Variants in OCA2 observed in about 807,000 individuals in gnomAD.
OCA2 encodes OCA2 melanosomal transmembrane protein, also known as P protein.
OCA2 carries 77 observed loss-of-function variants against 100.2 expected under a neutral mutation model. The observed-to-expected ratio is 0.77, with a 90% confidence interval of 0.64 to 0.93. The LOEUF (loss-of-function observed/expected upper bound fraction) is 0.93. OCA2 is among the 40% of genes least tolerant of loss of function. OCA2 has a pLI of 0.00. For missense variants in OCA2, 1,062 were observed against 1,089.1 expected, an observed-to-expected ratio of 0.98 and a Z score of 0.35; for synonymous variants, 432 against 439.2, an observed-to-expected ratio of 0.98 and a Z score of 0.21.
At chr15:28,091,627 C>T (rs2044871374) in intron 1 of OCA2, among the ~76,000 whole-genome samples, 1 of 152,118 alleles carries the variant, frequency 6.6e-6, no homozygotes, top group Non-Finnish European at 1.5e-5. Flanking sequence ...TGTACAATAA[C>T]ATTAATAGGA....
At chr15:27,959,514 A>G (rs1356660493) in intron 15 of OCA2, among the ~76,000 whole-genome samples, 2 of 152,242 alleles carry the variant, frequency 1.3e-5, no homozygotes, top group Non-Finnish European at 2.9e-5. Context: ...GCCCGTCCAT[A>G]AAGTACCAGA....
chr15:28,012,190 T>G (rs995433069), intron 9 of OCA2, among the ~76,000 whole-genome samples: 21 of 152,144 alleles, frequency 1.4e-4, no homozygotes, highest in African/African-American at 5.1e-4. Flanking sequence ...AAAGATAATA[T>G]CCAACATTAT....
chr15:27,808,930 T>C (rs2033967733), intron 23 of OCA2, among the ~76,000 whole-genome samples: 1 of 152,140 alleles, frequency 6.6e-6, no homozygotes, highest in South Asian at 2.1e-4. Flanking sequence ...GATCGTGGGG[T>C]ATGCCATCAT....
intron 18 of OCA2, among the ~76,000 whole-genome samples, chr15:27,929,943 A>G (rs1004568383): frequency 6.6e-6 from 1 of 152,156 alleles, no homozygotes; most frequent in Admixed American, 6.5e-5. Flanking sequence ...ATGACATTTC[A>G]CTATCTACCT....
chr15:28,080,141 T>A (rs1421027446), intron 2 of OCA2, among the ~76,000 whole-genome samples: 1 of 152,104 alleles, frequency 6.6e-6, no homozygotes, highest in Non-Finnish European at 1.5e-5. Context: ...GGCCACACAG[T>A]CCTTCCGGCC....
At chr15:28,098,690 C>G (rs1416094854) in intron 1 of OCA2, among the ~76,000 whole-genome samples, 1 of 152,212 alleles carries the variant, frequency 6.6e-6, no homozygotes, top group Non-Finnish European at 1.5e-5. Flanking sequence ...AAACCCAGAG[C>G]GTCCACATAC....
intron 9 of OCA2, among the ~76,000 whole-genome samples, chr15:27,998,338 A>C (rs1284114375): frequency 1.1e-5 from 1 of 92,450 alleles, no homozygotes. Context: ...CAATGAACTC[A>C]AACAAATTTA....
intron 23 of OCA2, among the ~76,000 whole-genome samples, chr15:27,806,572 C>T (rs903686350): frequency 1.3e-5 from 2 of 152,206 alleles, no homozygotes; most frequent in Non-Finnish European, 2.9e-5. Flanking sequence ...TCCCTAGCGG[C>T]CCCGCTCCAC....
the OCA2 span, among the ~76,000 whole-genome samples, chr15:27,733,920 G>A: frequency 6.6e-6 from 1 of 151,794 alleles, no homozygotes; most frequent in African/African-American, 2.4e-5. Flanking sequence ...CCAGCACTTT[G>A]AGAGGCCATG....
rs187136476 is a variant in OCA2 at position 27,792,034 on chromosome 15, G to A, written c.2433-36562C>T. Among the ~76,000 whole-genome samples the A allele has an allele frequency of 9.9e-5, 15 of 152,266 alleles. No homozygotes were observed. The East Asian group carries it at 2.9e-3, about 29-fold the overall frequency. On this transcript the variant is annotated intron_variant, in intron 23 of 23. Transcript: ENST00000354638. ...AGACTGTGTGTCTCCACTTCCCATTGCCTCACAGCCTGCGGTGAGAAGTAT... is the reference window on the plus strand; with the variant it reads ...AGACTGTGTGTCTCCACTTCCCATTACCTCACAGCCTGCGGTGAGAAGTAT...
chr15:27,882,356 CTT>C (rs965218845), intron 19 of OCA2, among the ~76,000 whole-genome samples: 1 of 152,172 alleles, frequency 6.6e-6, no homozygotes, highest in African/African-American at 2.4e-5. Context: ...TCAAGCAACT[CTT>C]TTTTATTTAA....
intron 23 of OCA2, among the ~76,000 whole-genome samples, chr15:27,832,148 G>A (rs1008422321): frequency 6.6e-6 from 1 of 152,062 alleles, no homozygotes. Context: ...TCTAAACTGC[G>A]CCTGCACCTG....
At chr15:27,796,155 G>A (rs369945862) in intron 23 of OCA2, among the ~76,000 whole-genome samples, 2 of 152,244 alleles carry the variant, frequency 1.3e-5, no homozygotes, top group Non-Finnish European at 1.5e-5. Flanking sequence ...TCTCTGACTG[G>A]AGGAACAGGC....
chr15:27,943,566 C>G (rs1407810097), intron 18 of OCA2, among the ~76,000 whole-genome samples: 1 of 151,400 alleles, frequency 6.6e-6, no homozygotes, highest in Non-Finnish European at 1.5e-5. Context: ...AACCTGCTAC[C>G]TGGAGGCTTC....
intron 14 of OCA2, among the ~76,000 whole-genome samples, chr15:27,971,611 C>T (rs2040794718): frequency 6.6e-6 from 1 of 152,116 alleles, no homozygotes; most frequent in African/African-American, 2.4e-5. Context: ...CTGGAAATTC[C>T]ACCGACAGAG....
At chr15:27,765,643 G>A (rs183808208) in intron 23 of OCA2, among the ~76,000 whole-genome samples, 38 of 152,350 alleles carry the variant, frequency 2.5e-4, no homozygotes, top group African/African-American at 8.7e-4. Context: ...GTAATCTTGA[G>A]TTGGTCTGGA....
chr15:27,875,853 T>C lies in OCA2; in HGVS notation c.2080-3931A>G, dbSNP rs563901273. On this transcript the variant is annotated intron_variant, in intron 19 of 23. Coordinates refer to ENST00000354638, the MANE Select transcript of OCA2 (RefSeq NM_000275.3). Reference sequence around the variant, plus strand: ...ATATGAGAATATATTGATTTTTGGATACTGATCTTGTATCTTCTGACCTTG... The same window carrying C: ...ATATGAGAATATATTGATTTTTGGACACTGATCTTGTATCTTCTGACCTTG... Among the ~76,000 whole-genome samples the C allele has an allele frequency of 5.3e-5, 8 of 152,206 alleles. No homozygotes were observed. The East Asian group carries it at 1.5e-3, about 29-fold the overall frequency.
At chr15:27,809,946 C>T (rs77288773) in intron 23 of OCA2, among the ~76,000 whole-genome samples, 2 of 152,152 alleles carry the variant, frequency 1.3e-5, no homozygotes, top group East Asian at 1.9e-4. Context: ...ACACTGCCTA[C>T]AGCAATCTAC....
intron 18 of OCA2, among the ~76,000 whole-genome samples, chr15:27,942,953 A>G (rs543812641): frequency 2.6e-5 from 4 of 152,356 alleles, no homozygotes; most frequent in African/African-American, 9.6e-5. Flanking sequence ...AGAGCCATCC[A>G]GGGATGTAAA....
Sources: allele counts gnomAD v4.1 joint callset (sites outside exome capture counted in the v4.1 genomes callset), GRCh38; gene constraint gnomAD v4.1.1; transcripts MANE v1.5; gene names NCBI Gene and HGNC (gene_info 2026-07-23, HGNC 2026-07-21).